The following NKIRAS1 variants were observed in gnomAD, a reference collection of about 807,000 sequenced individuals.
NKIRAS1 encodes NF-kappa-B inhibitor-interacting Ras-like protein 1.
Under a neutral mutation model 19.8 loss-of-function variants are expected in NKIRAS1, and 16 were observed. The ratio of observed to expected loss-of-function variants is 0.81; its 90% CI spans 0.55 to 1.23. NKIRAS1 has a LOEUF of 1.23. NKIRAS1 is among the 50% of genes most tolerant of loss of function. NKIRAS1 has a pLI of 0.00. For synonymous variants in NKIRAS1, 88 were observed against 79.0 expected (o/e 1.11, Z -0.61); for missense variants, 184 against 220.0 (o/e 0.84, Z 1.04).
At chr3:23,918,017 A>T (rs757838005), upstream of NKIRAS1, 12 of 1,609,560 alleles carry the variant, frequency 7.5e-6, no homozygotes, top group Non-Finnish European at 1.0e-5. Context: ...CGACTGGGCT[A>T]CAAGGCCAAG....
At position 23,891,925 on chromosome 3, in the gene NKIRAS1, T is replaced by C. The variant is rs2125340440; in HGVS notation, c.*1170A>G. ...GGTAAGGGGGTGAGTTAGTGTCTGGTAATTTTTTTTTACCAAAAAATGAAT... is the reference window on the plus strand; with the variant it reads ...GGTAAGGGGGTGAGTTAGTGTCTGGCAATTTTTTTTTACCAAAAAATGAAT... On this transcript the variant is annotated 3_prime_UTR_variant, in exon 5 of 5. Coordinates refer to ENST00000425478, the MANE Select transcript of NKIRAS1 (RefSeq NM_020345.4). 1 of 152,346 alleles carries C rather than the reference T, an allele frequency of 6.6e-6. No homozygotes were observed. The highest frequency in any genetic ancestry group is 1.5e-5 in the Non-Finnish European group (1 of 68,028). 9.4% of individuals were successfully genotyped at this position (152,346 alleles called of 1,614,324 possible). A position where few individuals can be genotyped will look rare whatever the true frequency, so the allele number is the denominator to read the frequency against.
chr3:23,909,397 C>T (rs986329682), intron 3 of NKIRAS1, among the ~76,000 whole-genome samples: 3 of 152,060 alleles, frequency 2.0e-5, no homozygotes, highest in East Asian at 1.9e-4. Context: ...CGTGGTAGCA[C>T]GCACCCATAG....
intron 1 of NKIRAS1, among the ~76,000 whole-genome samples, chr3:23,935,625 A>G (rs893933309): frequency 5.9e-5 from 9 of 152,146 alleles, no homozygotes; most frequent in African/African-American, 1.4e-4. Context: ...AGGTCTCGCT[A>G]ATGTTACCCA....
At chr3:23,909,195 G>C (rs556915787) in intron 3 of NKIRAS1, among the ~76,000 whole-genome samples, 3 of 152,284 alleles carry the variant, frequency 2.0e-5, no homozygotes, top group East Asian at 3.9e-4. Flanking sequence ...AAAGCTAGAA[G>C]AGAAGCAGAG....
At chr3:23,944,731 C>T (rs567956171) in intron 1 of NKIRAS1, among the ~76,000 whole-genome samples, 1 of 151,714 alleles carries the variant, frequency 6.6e-6, no homozygotes, top group East Asian at 2.0e-4. Flanking sequence ...GAACATAGGT[C>T]TACTTAAGCT....
At chr3:23,934,680 G>T (rs4292186) in intron 1 of NKIRAS1, among the ~76,000 whole-genome samples, 91,954 of 151,984 alleles carry the variant, frequency 0.61, 27,997 homozygotes, top group Middle Eastern at 0.64. Context: ...GCAAAAGAAA[G>T]GGATCTGGTT....
chr3:23,906,522 C>A (rs949349704), intron 3 of NKIRAS1, among the ~76,000 whole-genome samples: 6 of 152,200 alleles, frequency 3.9e-5, no homozygotes, highest in Non-Finnish European at 8.8e-5. Flanking sequence ...TGCCACCTGA[C>A]ACAGCAAGAC....
chr3:23,902,828 A>G lies in NKIRAS1; in HGVS notation c.95-1779T>C, dbSNP rs190058371. Reference sequence around the variant, plus strand: ...CTGTCTAGACTGTGGGATAAAGGGAATGAGTTCCACCATGAAAACAGGGCA... The same window carrying G: ...CTGTCTAGACTGTGGGATAAAGGGAGTGAGTTCCACCATGAAAACAGGGCA... On this transcript the variant is annotated intron_variant, in intron 3 of 4. Transcript: ENST00000425478. 3.9e-5 allele frequency among the ~76,000 whole-genome samples: 6 copies of G among 152,322 alleles called. No homozygotes were observed. In the East Asian group the frequency reaches 9.6e-4, roughly 24 times the overall value.
intron 3 of NKIRAS1, 149 bp downstream of exon 3, chr3:23,910,662 C>T (rs1703607100): frequency 4.8e-6 from 3 of 624,722 alleles, no homozygotes; most frequent in African/African-American, 3.7e-5. Flanking sequence ...TTTTTTCCCT[C>T]CTCTTTTCTT....
intron 1 of NKIRAS1, chr3:23,945,464 G>C: frequency 1.9e-6 from 1 of 518,278 alleles, no homozygotes; most frequent in Non-Finnish European, 2.6e-6. Flanking sequence ...GCCCATGAGG[G>C]GGCCCCGCGA....
chr3:23,926,251 C>T lies in NKIRAS1; in HGVS notation c.-139-14801G>A, dbSNP rs1575128010. On this transcript the variant is annotated intron_variant, in intron 1 of 4. Coordinates refer to the NKIRAS1 transcript ENST00000421515. The surrounding 1 kb of genome is among the most constrained non-coding windows in gnomAD (Gnocchi z 4.3). ...GTTTTTAGTAGAGACAGGGTTTCGC[C>T]GTGTTGGCCAGGCTGGTCTCAAACG... 6.6e-6 allele frequency among the ~76,000 whole-genome samples: 1 copy of T among 152,106 alleles called. No homozygotes were observed. Among genetic ancestry groups the T allele is most frequent in the Non-Finnish European group, 1.5e-5 (1 of 68,020 alleles).
chr3:23,945,739 C>T, intron 1 of NKIRAS1: 4 of 547,266 alleles, frequency 7.3e-6, no homozygotes, highest in South Asian at 8.3e-5. Context: ...GCCTCTGGCT[C>T]GGTTCCCATC....
chr3:23,916,543 G>C (rs1704477700), intron 1 of NKIRAS1: 1 of 152,292 alleles, frequency 6.6e-6, no homozygotes, highest in Non-Finnish European at 1.5e-5. Context: ...GCTGGGGCCT[G>C]CTGGAGGAGC....
chr3:23,919,126 TA>T (rs750467611), upstream of NKIRAS1: 204 of 1,069,512 alleles, frequency 1.9e-4, no homozygotes, highest in Non-Finnish European at 2.9e-4. Context: ...AGTTGAGAAT[TA>T]AAATTCTTTC....
intron 1 of NKIRAS1, chr3:23,945,469 C>G (rs1281301611): frequency 3.3e-6 from 2 of 609,592 alleles, no homozygotes; most frequent in Non-Finnish European, 2.1e-6. Context: ...TGAGGGGGCC[C>G]CGCGACCACC....
chr3:23,940,735 T>A (rs1182769759), intron 1 of NKIRAS1, among the ~76,000 whole-genome samples: 1 of 152,214 alleles, frequency 6.6e-6, no homozygotes, highest in African/African-American at 2.4e-5. Context: ...GACAAAGTTT[T>A]AAATTTAAAA....
intron 3 of NKIRAS1, among the ~76,000 whole-genome samples, chr3:23,902,767 T>C (rs1702644409): frequency 6.6e-6 from 1 of 152,182 alleles, no homozygotes; most frequent in Admixed American, 6.5e-5. Flanking sequence ...AGGGGAAGGC[T>C]TAAGGGTGCA....
intron 1 of NKIRAS1, among the ~76,000 whole-genome samples, chr3:23,937,794 C>T (rs1384889582): frequency 6.6e-6 from 1 of 152,062 alleles, no homozygotes; most frequent in Admixed American, 6.6e-5. Context: ...ATTTTTTCCA[C>T]TCTATTCAAT....
intron 4 of NKIRAS1, among the ~76,000 whole-genome samples, chr3:23,899,126 T>C (rs1475255749): frequency 6.6e-6 from 1 of 152,068 alleles, no homozygotes; most frequent in Non-Finnish European, 1.5e-5. Flanking sequence ...ATGACACAAT[T>C]ATAAAAATGG....
Sources: allele counts gnomAD v4.1 joint callset (sites outside exome capture counted in the v4.1 genomes callset), GRCh38; gene constraint gnomAD v4.1.1; non-coding constraint Gnocchi (gnomAD v3.1); transcripts MANE v1.5; gene names NCBI Gene and HGNC (gene_info 2026-07-23, HGNC 2026-07-21).